The following ROBO2 variants were observed in gnomAD, a reference collection of about 807,000 sequenced individuals.
ROBO2 encodes roundabout homolog 2.
In ROBO2, 53 loss-of-function variants were observed where a neutral mutation model predicts 160.8. The observed-to-expected ratio is 0.33, with a 90% CI of 0.26 to 0.41. The LOEUF (loss-of-function observed/expected upper bound fraction) is 0.41, where lower values mean the gene tolerates loss of function less well. Ranked by LOEUF, ROBO2 falls within the 10% of genes least tolerant of loss-of-function variation. The probability of loss-of-function intolerance (pLI) is 1.00; values close to 1 mark genes in which losing one functional copy is unlikely to be tolerated. For synonymous variants in ROBO2, 664 were observed against 611.7 expected (o/e 1.09, Z -1.26); for missense variants, 1,577 against 1,722.4 (o/e 0.92, Z 1.49).
chr3:77,076,069 G>GA (rs1340180401), intron 1 of ROBO2, among the ~76,000 whole-genome samples: 34 of 148,826 alleles, frequency 2.3e-4, no homozygotes, highest in Middle Eastern at 3.5e-3. Context: ...GGGAAAAAAA[G>GA]AAAAAAAAAG....
At chr3:76,780,993 A>G (rs570578725) in intron 2 of ROBO2, among the ~76,000 whole-genome samples, 4 of 150,706 alleles carry the variant, frequency 2.7e-5, no homozygotes, top group Admixed American at 6.6e-5. Flanking sequence ...GAATCTATAA[A>G]TCACTTTAGG....
rs539795257 is a variant in ROBO2 at position 76,537,334 on chromosome 3, G to A, written c.110-560680G>A. ...GTAGGATGGAGAAATCAAAAGTGCCGTTTTCTGGCCATTTGCAACCATTGT... is the reference window on the plus strand; with the variant it reads ...GTAGGATGGAGAAATCAAAAGTGCCATTTTCTGGCCATTTGCAACCATTGT... On this transcript the variant is annotated intron_variant, in intron 2 of 26. Transcript: ENST00000487694. Among the ~76,000 whole-genome samples, 93 of 152,224 alleles carry A rather than the reference G, an allele frequency of 6.1e-4. 6 individuals are homozygous for A. The South Asian group carries it at 0.017, about 29-fold the overall frequency.
At chr3:76,333,088 A>G (rs1476103335) in intron 2 of ROBO2, among the ~76,000 whole-genome samples, 1 of 152,192 alleles carries the variant, frequency 6.6e-6, no homozygotes, top group Non-Finnish European at 1.5e-5. Context: ...GAGAACGCCT[A>G]GTATATGTAA....
intron 2 of ROBO2, among the ~76,000 whole-genome samples, chr3:76,125,504 A>T (rs562593785): frequency 6.6e-6 from 1 of 152,186 alleles, no homozygotes; most frequent in South Asian, 2.1e-4. Context: ...CCTCACCAGC[A>T]TCTGTTGTTT....
chr3:77,231,199 C>CA, intron 2 of ROBO2, among the ~76,000 whole-genome samples: 1 of 151,468 alleles, frequency 6.6e-6, no homozygotes, highest in East Asian at 2.0e-4. Context: ...TTCATCTCTA[C>CA]AAAAAATACA....
intron 17 of ROBO2, among the ~76,000 whole-genome samples, chr3:77,592,141 A>G (rs958539914): frequency 1.3e-5 from 2 of 152,176 alleles, no homozygotes. Flanking sequence ...ACCCATTAAG[A>G]TAAGGGTTTT....
chr3:75,976,130 A>C (rs1326911884), intron 2 of ROBO2, among the ~76,000 whole-genome samples: 1 of 151,644 alleles, frequency 6.6e-6, no homozygotes, highest in Non-Finnish European at 1.5e-5. Context: ...GAACAGCAGA[A>C]GCACAAGTTA....
intron 2 of ROBO2, among the ~76,000 whole-genome samples, chr3:77,203,309 A>C (rs902699141): frequency 4.6e-5 from 7 of 152,176 alleles, no homozygotes; most frequent in Non-Finnish European, 1.0e-4. Context: ...TGATGCAAAC[A>C]TGTCTTGAGG....
intron 19 of ROBO2, among the ~76,000 whole-genome samples, chr3:77,598,527 G>GTATATATATATATATATATATATATA (rs3073098): frequency 3.6e-5 from 5 of 139,974 alleles, no homozygotes; most frequent in African/African-American, 1.3e-4. Flanking sequence ...ATATATATGT[G>GTATATATATATATATATATATATATA]TATATATATA....
At chr3:77,154,682 A>G (rs766959951) in intron 2 of ROBO2, among the ~76,000 whole-genome samples, 3 of 152,062 alleles carry the variant, frequency 2.0e-5, no homozygotes, top group South Asian at 2.1e-4. Context: ...ATGAAATCCT[A>G]TGAGCCATAA....
intron 2 of ROBO2, among the ~76,000 whole-genome samples, chr3:77,272,137 T>G (rs538683735): frequency 6.6e-6 from 1 of 152,306 alleles, no homozygotes; most frequent in African/African-American, 2.4e-5. Flanking sequence ...AGATGGGGAA[T>G]TACAGAAACT....
chr3:77,623,206 A>G (rs2094936336), intron 23 of ROBO2, among the ~76,000 whole-genome samples: 1 of 152,192 alleles, frequency 6.6e-6, no homozygotes, highest in East Asian at 1.9e-4. Flanking sequence ...TCAAATAGAT[A>G]TACACTGTTG....
chr3:76,991,182 C>T (rs2060645903), intron 2 of ROBO2, among the ~76,000 whole-genome samples: 1 of 152,154 alleles, frequency 6.6e-6, no homozygotes, highest in African/African-American at 2.4e-5. Context: ...AAAATTCTCT[C>T]TTCTGAGGAG....
chr3:76,198,583 C>T (rs1702372282), intron 2 of ROBO2, among the ~76,000 whole-genome samples: 1 of 152,108 alleles, frequency 6.6e-6, no homozygotes, highest in African/African-American at 2.4e-5. Context: ...CTTCCCTTAC[C>T]AGGTCTTTTT....
chr3:76,103,116 C>T (rs567004890), intron 2 of ROBO2, among the ~76,000 whole-genome samples: 1 of 152,186 alleles, frequency 6.6e-6, no homozygotes, highest in Non-Finnish European at 1.5e-5. Context: ...AGCCACCACG[C>T]CCGGCCAGAC....
intron 2 of ROBO2, among the ~76,000 whole-genome samples, chr3:77,344,804 T>C (rs2153453739): frequency 6.6e-6 from 1 of 152,282 alleles, no homozygotes. Flanking sequence ...TCTCTCATTT[T>C]ATGTACCTTT....
At chr3:76,541,003 TG>T (rs1252180341) in intron 2 of ROBO2, among the ~76,000 whole-genome samples, 1 of 152,176 alleles carries the variant, frequency 6.6e-6, no homozygotes, top group Non-Finnish European at 1.5e-5. Context: ...TTTCGCCATG[TG>T]GGCCCAACTG....
chr3:76,215,632 C>T (rs1425424322), intron 2 of ROBO2, among the ~76,000 whole-genome samples: 2 of 152,128 alleles, frequency 1.3e-5, no homozygotes, highest in Non-Finnish European at 1.5e-5. Context: ...AAGAAATGAA[C>T]AAAGACTCCA....
At chr3:76,836,475 G>T (rs909603375) in intron 2 of ROBO2, among the ~76,000 whole-genome samples, 1 of 148,142 alleles carries the variant, frequency 6.8e-6, no homozygotes, top group East Asian at 2.0e-4. Flanking sequence ...AAAAGACTTT[G>T]GGGGGGCAGG....
Sources: gnomAD v4.1 joint callset for allele counts (sites outside exome capture counted in the v4.1 genomes callset) on GRCh38, gnomAD v4.1.1 for gene constraint, MANE v1.5 for transcripts, NCBI Gene and HGNC (gene_info 2026-07-23, HGNC 2026-07-21) for gene names.